The following STK33 variants were observed in gnomAD, a reference collection of about 807,000 sequenced individuals.
The protein encoded by STK33 is serine/threonine-protein kinase 33.
Under a neutral mutation model 58.0 loss-of-function variants are expected in STK33, and 52 were observed. The ratio of observed to expected loss-of-function variants is 0.90; its 90% CI spans 0.72 to 1.13. The LOEUF (loss-of-function observed/expected upper bound fraction) is 1.13, where lower values mean the gene tolerates loss of function less well. Among genes scored for constraint, STK33 ranks in the 50% most tolerant of loss-of-function variants. STK33 has a pLI of 0.00. For missense variants in STK33, 630 were observed against 604.2 expected (o/e 1.04, Z -0.45); for synonymous variants, 215 against 200.1 (o/e 1.07, Z -0.63).
At chr11:8,439,343 T>A (rs1944432875) in intron 12 of STK33, among the ~76,000 whole-genome samples, 1 of 152,118 alleles carries the variant, frequency 6.6e-6, no homozygotes, top group Non-Finnish European at 1.5e-5. Flanking sequence ...TTTAAAAGCT[T>A]TATGAGGATA....
At chr11:8,583,831 T>C (rs538118441) in intron 1 of STK33, among the ~76,000 whole-genome samples, 4 of 152,318 alleles carry the variant, frequency 2.6e-5, no homozygotes, top group Middle Eastern at 3.4e-3. Flanking sequence ...TTTTAAGTAT[T>C]CTAAGAATGA....
intron 11 of STK33, among the ~76,000 whole-genome samples, chr11:8,442,392 A>G (rs567121132): frequency 3.9e-5 from 6 of 152,210 alleles, no homozygotes; most frequent in Non-Finnish European, 8.8e-5. Flanking sequence ...GGTGCAGCAC[A>G]CAGCAGGGGA....
chr11:8,533,540 G>C (rs1416180031), intron 1 of STK33: 1 of 152,176 alleles, frequency 6.6e-6, no homozygotes, highest in Non-Finnish European at 1.5e-5. Context: ...CCCAGACATG[G>C]AGTTTTTCTC....
chr11:8,399,516 G>A (rs1368358430), intron 15 of STK33, among the ~76,000 whole-genome samples: 1 of 152,178 alleles, frequency 6.6e-6, no homozygotes, highest in East Asian at 1.9e-4. Context: ...GAGAAAGCAG[G>A]AAAGATCTAA....
intron 1 of STK33, among the ~76,000 whole-genome samples, chr11:8,584,127 A>G (rs1336092197): frequency 6.8e-6 from 1 of 146,122 alleles, no homozygotes; most frequent in Non-Finnish European, 1.5e-5. Flanking sequence ...AAAAAAAAAA[A>G]GAAAGAAAAC....
chr11:8,416,042 G>T (rs1031799286), intron 14 of STK33, among the ~76,000 whole-genome samples: 4 of 152,180 alleles, frequency 2.6e-5, no homozygotes, highest in African/African-American at 9.6e-5. Context: ...TTGGTGATTA[G>T]ACATTAGGCA....
intron 15 of STK33, among the ~76,000 whole-genome samples, chr11:8,393,726 A>G (rs1848894460): frequency 6.6e-6 from 1 of 152,224 alleles, no homozygotes; most frequent in African/African-American, 2.4e-5. Context: ...GATGGTGTGT[A>G]ACACAAAATA....
chr11:8,428,606 T>G (rs978693907), intron 14 of STK33, among the ~76,000 whole-genome samples: 5 of 152,244 alleles, frequency 3.3e-5, no homozygotes. Flanking sequence ...ACAGCTGTGA[T>G]GAACTGCATG....
chr11:8,515,500 C>T (rs894474726), intron 1 of STK33, among the ~76,000 whole-genome samples: 1 of 151,970 alleles, frequency 6.6e-6, no homozygotes. Flanking sequence ...TGCATTAGCC[C>T]GATACCAAAG....
At chr11:8,488,853 AAGTAATC>A (rs967320129) in intron 1 of STK33, among the ~76,000 whole-genome samples, 1 of 152,218 alleles carries the variant, frequency 6.6e-6, no homozygotes, top group African/African-American at 2.4e-5. Context: ...AAGGAAAACA[AAGTAATC>A]AGTGGAAACT....
chr11:8,380,863 T>A, the STK33 span, among the ~76,000 whole-genome samples: 2 of 152,172 alleles, frequency 1.3e-5, no homozygotes, highest in African/African-American at 4.8e-5. Context: ...GAGTGCATTT[T>A]AAAAATGTGG....
In STK33 at chr11:8,467,882, T is replaced by C. The variant is rs150717700; in HGVS notation, c.340-3060A>G. 6.1e-3 allele frequency among the ~76,000 whole-genome samples: 935 copies of C among 152,118 alleles called. 9 individuals are homozygous for C. Among genetic ancestry groups the C allele is most frequent in the African/African-American group, 0.02 (849 of 41,490 alleles). ...ATTGCTTGAACCCAGGAGGTGAAGG[T>C]TGCAGCGAGCTGAGATCGCACCACT... On this transcript the variant is annotated intron_variant, in intron 6 of 15. Coordinates refer to ENST00000687296, the MANE Select transcript of STK33 (RefSeq NM_001352389.2).
chr11:8,534,568 CTG>C (rs34999243), intron 1 of STK33, among the ~76,000 whole-genome samples: 3 of 104,694 alleles, frequency 2.9e-5, no homozygotes, highest in African/African-American at 8.2e-5. Context: ...CTCTCTCTCT[CTG>C]TGTGTGTGTG....
chr11:8,531,304 A>G (rs1264015522), intron 1 of STK33, among the ~76,000 whole-genome samples: 1 of 152,224 alleles, frequency 6.6e-6, no homozygotes, highest in African/African-American at 2.4e-5. Context: ...ATTATAAGAC[A>G]ATAGTACTTG....
chr11:8,497,178 A>G (rs1951126351), intron 1 of STK33, among the ~76,000 whole-genome samples: 1 of 152,194 alleles, frequency 6.6e-6, no homozygotes, highest in Non-Finnish European at 1.5e-5. Context: ...AGGGGAAGAA[A>G]TAATATTTGA....
intron 1 of STK33, among the ~76,000 whole-genome samples, chr11:8,510,762 C>A (rs1952250650): frequency 6.6e-6 from 1 of 152,080 alleles, no homozygotes. Context: ...ATATGGTGTC[C>A]TTTTCCCAAC....
intron 1 of STK33, among the ~76,000 whole-genome samples, chr11:8,552,448 A>T (rs911258598): frequency 6.6e-6 from 1 of 152,058 alleles, no homozygotes; most frequent in Non-Finnish European, 1.5e-5. Flanking sequence ...AACTTTTTAC[A>T]TTTTTTTAAC....
At position 8,503,707 on chromosome 11, in the gene STK33, C is replaced by T. The variant is rs571336884; in HGVS notation, c.-465-23093G>A. Among the ~76,000 whole-genome samples, 8 of 152,292 alleles carry T rather than the reference C, an allele frequency of 5.3e-5. No homozygotes were observed. The East Asian group carries it at 1.5e-3, about 29-fold the overall frequency. ...TCTTTGACTAGCATTTTAGTCAGTT[C>T]GACTTAAAATTCACTACTCTTTCTT... On this transcript the variant is annotated intron_variant, in intron 1 of 15. Coordinates refer to ENST00000687296, the MANE Select transcript of STK33 (RefSeq NM_001352389.2).
intron 1 of STK33, among the ~76,000 whole-genome samples, chr11:8,523,309 G>A (rs1591616491): frequency 6.6e-6 from 1 of 150,556 alleles, no homozygotes; most frequent in East Asian, 2.0e-4. Context: ...GAAGTGAGGA[G>A]TGCCTCTTCC....
Sources: gnomAD v4.1 joint callset for allele counts (sites outside exome capture counted in the v4.1 genomes callset) on GRCh38, gnomAD v4.1.1 for gene constraint, MANE v1.5 for transcripts, NCBI Gene and HGNC (gene_info 2026-07-23, HGNC 2026-07-21) for gene names.